NEURL1B: variants seen among roughly 807,000 people sequenced by gnomAD.
The protein encoded by NEURL1B is E3 ubiquitin-protein ligase NEURL1B.
Under a neutral mutation model 37.4 loss-of-function variants are expected in NEURL1B, and 13 were observed. The observed-to-expected ratio is 0.35, with a 90% CI of 0.23 to 0.55. The LOEUF is 0.55. NEURL1B is among the 20% of genes least tolerant of loss of function. NEURL1B has a pLI of 0.89. For missense variants in NEURL1B, 790 were observed against 879.2 expected (o/e 0.90, Z 1.28); for synonymous variants, 432 against 426.6 (o/e 1.01, Z -0.16).
At position 172,686,962 on chromosome 5, in the gene NEURL1B, A is replaced by G. The variant is rs1253943656; in HGVS notation, c.*37A>G. The G allele has an allele frequency of 5.2e-6, 8 of 1,524,108 alleles. No homozygotes were observed. In the South Asian group the frequency reaches 9.7e-5, roughly 18 times the overall value. 94.4% of individuals were successfully genotyped at this position (1,524,108 alleles called of 1,614,324 possible). ...CACGGGCCTTGGCCGGTGCAAGGTC[A>G]CCTTTCTGAAGGCCCCCTGGGCTGG... On this transcript the variant is annotated 3_prime_UTR_variant, in exon 5 of 5. Transcript: ENST00000369800. The surrounding 1 kb of genome is among the most constrained non-coding windows in gnomAD (Gnocchi z 7.9).
chr5:172,684,032 C>A lies in NEURL1B; in HGVS notation c.1191C>A (p.Gly397=). Residue 397 remains glycine (G), a synonymous_variant, in exon 3 of 5, where the codon GGC becomes GGA. Transcript: ENST00000369800. ...TLRPGGDVLL[G]INGRPRGRLL... is the part of the protein sequence containing the mutation. ...GGCCCGGCGGCGACGTGCTCCTGGG[C>A]ATCAACGGGCGTCCGCGCGGCCGCC... The A allele has an allele frequency of 1.2e-5, 16 of 1,338,270 alleles. No homozygotes were observed. Among genetic ancestry groups the A allele is most frequent in the Middle Eastern group, 2.8e-4 (1 of 3,594 alleles). The allele number at this position is 1,338,270 out of a possible 1,614,324, so 82.9% of individuals were successfully genotyped here.
intron 2 of NEURL1B, among the ~76,000 whole-genome samples, chr5:172,679,254 A>G (rs1758299673): frequency 1.3e-5 from 2 of 152,358 alleles, no homozygotes; most frequent in Middle Eastern, 3.4e-3. Context: ...TGTGACCTTC[A>G]GTAACTCACT....
rs1758509868 is a variant in NEURL1B, at chr5:172,686,802, C to G, written c.1545C>G (p.Ile515Met). The G allele has an allele frequency of 1.9e-6, 3 of 1,551,968 alleles. No homozygotes were observed. The highest frequency in any genetic ancestry group is 2.0e-5 in the Admixed American group (1 of 51,048). The change falls in exon 5 of 5, where the codon ATC (isoleucine) becomes ATG (methionine). Residue 515 changes from isoleucine to methionine, a missense_variant. By Grantham distance (10) the Ile-to-Met change is conservative. Coordinates refer to ENST00000369800, the MANE Select transcript of NEURL1B (RefSeq NM_001142651.3). This position sits in a 1 kb window ranked among gnomAD's most constrained non-coding sequence, Gnocchi z 7.9. ...TCGATGGCGAGGTGGACACGGTCAT[C>G]TACACGTGTGGACACATGTGCCTGT... ...VCFDGEVDTV[I>M]YTCGHMCLCH...
Position 172,641,310 on chromosome 5 carries a change from C to A in NEURL1B, c.-97C>A. 1 of 1,115,536 alleles carries A rather than the reference C, an allele frequency of 9.0e-7. No homozygotes were observed. Among genetic ancestry groups the A allele is most frequent in the Non-Finnish European group, 1.1e-6 (1 of 883,302 alleles). The allele number at this position is 1,115,536 out of a possible 1,614,324, so 69.1% of individuals were successfully genotyped here. A position where few individuals can be genotyped will look rare whatever the true frequency, so the allele number is the denominator to read the frequency against. On this transcript the variant is annotated 5_prime_UTR_variant, in exon 1 of 5. Coordinates refer to ENST00000369800, the MANE Select transcript of NEURL1B (RefSeq NM_001142651.3). The surrounding 1 kb of genome is among the most constrained non-coding windows in gnomAD (Gnocchi z 6.4). ...GGCTCGCCCGTGCAGCTGCGATGCCCCGGAGCGTCGACCCCGGTCCTGGTC... is the reference window on the plus strand; with the variant it reads ...GGCTCGCCCGTGCAGCTGCGATGCCACGGAGCGTCGACCCCGGTCCTGGTC...
At position 172,686,257 on chromosome 5, in the gene NEURL1B, A is replaced by G; in HGVS notation, c.1384A>G (p.Ser462Gly). The change falls in exon 4 of 5, where the codon AGT becomes GGT. Residue 462 changes from serine (S) to glycine (G), a missense_variant. Ser to Gly is a moderately conservative substitution (Grantham distance 56). Around this residue, in one of 3 missense-constraint regions of NEURL1B, gnomAD observed 115 missense variants for 162.6 expected, o/e 0.71. Coordinates refer to ENST00000369800, the MANE Select transcript of NEURL1B (RefSeq NM_001142651.3). This position sits in a 1 kb window ranked among gnomAD's most constrained non-coding sequence, Gnocchi z 7.9. ...QDDSDSDMTF[S>G]VNQSSSASES... is the part of the protein sequence containing the mutation. ...CGATAGTGATTCAGATATGACCTTC[A>G]GTGTCAACCAGTCCTCCTCGGCATC... is the stretch of plus-strand genomic sequence containing the variant. 1 of 1,551,698 alleles carries G rather than the reference A, an allele frequency of 6.4e-7. No homozygotes were observed. The highest frequency in any genetic ancestry group is 8.7e-7 in the Non-Finnish European group (1 of 1,146,998).
At chr5:172,648,370 C>G (rs1183252221) in intron 1 of NEURL1B, among the ~76,000 whole-genome samples, 1 of 152,204 alleles carries the variant, frequency 6.6e-6, no homozygotes, top group African/African-American at 2.4e-5. Flanking sequence ...GAGACAGACA[C>G]AAAAGAATAA....
rs1390653640 is a variant in NEURL1B at position 172,690,344 on chromosome 5, T to C, written c.*3419T>C. 1 of 152,230 alleles carries C rather than the reference T, an allele frequency of 6.6e-6. No homozygotes were observed. The highest frequency in any genetic ancestry group is 1.5e-5 in the Non-Finnish European group (1 of 68,052). 9.4% of individuals were successfully genotyped at this position (152,230 alleles called of 1,614,324 possible). A position where few individuals can be genotyped will look rare whatever the true frequency, so the allele number is the denominator to read the frequency against. ...CGATGCCACTAATCAGCATGGACTGTGTTCAGGACACAGGGTGAACTTTTC... is the reference window on the plus strand; with the variant it reads ...CGATGCCACTAATCAGCATGGACTGCGTTCAGGACACAGGGTGAACTTTTC... On this transcript the variant is annotated 3_prime_UTR_variant, in exon 5 of 5. Transcript: ENST00000369800.
Position 172,641,544 on chromosome 5 carries a change from T to G in NEURL1B, c.31+107T>G. ...CCCCACGGCCCTTGGAGCCCTCGGCTCGCAGCGGGCTGGAGTCTCCGGTAC... is the reference window on the plus strand; with the variant it reads ...CCCCACGGCCCTTGGAGCCCTCGGCGCGCAGCGGGCTGGAGTCTCCGGTAC... On this transcript the variant is annotated intron_variant, in intron 1 of 4. Transcript: ENST00000369800. This position sits in a 1 kb window ranked among gnomAD's most constrained non-coding sequence, Gnocchi z 6.4. 1.0e-6 allele frequency: 1 copy of G among 1,002,234 alleles called. No individual in the cohort carries two copies. Among genetic ancestry groups the G allele is most frequent in the Non-Finnish European group, 1.3e-6 (1 of 776,000 alleles). 62.1% of individuals were successfully genotyped at this position (1,002,234 alleles called of 1,614,324 possible).
chr5:172,679,987 T>C (rs1758317555), intron 2 of NEURL1B, among the ~76,000 whole-genome samples: 1 of 152,202 alleles, frequency 6.6e-6, no homozygotes, highest in Admixed American at 6.5e-5. Flanking sequence ...CCCAGTTTTC[T>C]GTAAGATGGC....
chr5:172,678,583 CAGTA>C (rs1437133325), intron 2 of NEURL1B, among the ~76,000 whole-genome samples: 2 of 151,128 alleles, frequency 1.3e-5, no homozygotes, highest in Non-Finnish European at 3.0e-5. Flanking sequence ...TGGCCATTGG[CAGTA>C]AGTGACACCA....
In NEURL1B at chr5:172,659,869, C is replaced by T. The variant is rs925016354; in HGVS notation, c.32-9916C>T. Among the ~76,000 whole-genome samples the T allele has an allele frequency of 5.3e-5, 8 of 152,222 alleles. No homozygotes were observed. The East Asian group carries it at 1.5e-3, about 29-fold the overall frequency. On this transcript the variant is annotated intron_variant, in intron 1 of 4. Transcript: ENST00000369800. ...ACTTCCCCATCCTTTGTCATCCTCCCAGCCCTGCTTCCTCAGTCTGCAAAG... is the reference window on the plus strand; with the variant it reads ...ACTTCCCCATCCTTTGTCATCCTCCTAGCCCTGCTTCCTCAGTCTGCAAAG...
intron 1 of NEURL1B, among the ~76,000 whole-genome samples, chr5:172,653,500 C>G (rs1757707058): frequency 6.6e-6 from 1 of 152,066 alleles, no homozygotes; most frequent in African/African-American, 2.4e-5. Flanking sequence ...TGTTAAAGAG[C>G]AGGTTAGTGC....
rs55663413 is a variant in NEURL1B at position 172,667,275 on chromosome 5, T to TAAAAAAAAAAAAAAA, written c.32-2503_32-2489dup. Among the ~76,000 whole-genome samples, 71 of 72,270 alleles carry TAAAAAAAAAAAAAAA rather than the reference T, an allele frequency of 9.8e-4. 2 individuals are homozygous for TAAAAAAAAAAAAAAA. The highest frequency in any genetic ancestry group is 3.1e-3 in the African/African-American group (38 of 12,404). The allele number at this position is 72,270 out of a possible 152,430, so 47.4% of individuals were successfully genotyped here. On this transcript the variant is annotated intron_variant, in intron 1 of 4. Coordinates refer to ENST00000369800, the MANE Select transcript of NEURL1B (RefSeq NM_001142651.3). ...CAACATGGTGAAACCCTGTCTCTAC[T>TAAAAAAAAAAAAAAA]AAAAAAAAAAAAAAAAAAAAATTAG...
chr5:172,654,580 T>TC, intron 1 of NEURL1B, among the ~76,000 whole-genome samples: 1 of 151,944 alleles, frequency 6.6e-6, no homozygotes, highest in East Asian at 1.9e-4. Context: ...TATTTTTTTT[T>TC]TTTTTTTTTT....
chr5:172,641,787 A>C lies in NEURL1B; in HGVS notation c.31+350A>C, dbSNP rs1444408741. 6.6e-6 allele frequency among the ~76,000 whole-genome samples: 1 copy of C among 152,158 alleles called. No individual in the cohort carries two copies. The highest frequency in any genetic ancestry group is 6.5e-5 in the Admixed American group (1 of 15,288). ...ACTCAAGGCGACCTGGGTGGGGGTG[A>C]CTGGAGCCGGGCTCGCCAGGGCTTC... On this transcript the variant is annotated intron_variant, in intron 1 of 4. Coordinates refer to ENST00000369800, the MANE Select transcript of NEURL1B (RefSeq NM_001142651.3). The surrounding 1 kb of genome is among the most constrained non-coding windows in gnomAD (Gnocchi z 6.4).
chr5:172,658,894 C>T (rs1757842354), intron 1 of NEURL1B, among the ~76,000 whole-genome samples: 1 of 152,194 alleles, frequency 6.6e-6, no homozygotes, highest in African/African-American at 2.4e-5. Context: ...AGCCCTGGGG[C>T]TCCGTCCCCC....
rs1389394146 is a variant in NEURL1B, at chr5:172,641,682, C to T, written c.31+245C>T. On this transcript the variant is annotated intron_variant, in intron 1 of 4. Transcript: ENST00000369800. This position sits in a 1 kb window ranked among gnomAD's most constrained non-coding sequence, Gnocchi z 6.4. ...CCAGTCCTCATTCTCCCGGCTTTGG[C>T]CAGATGCGCAAAAAGGGCCGCTGGG... Among the ~76,000 whole-genome samples the T allele has an allele frequency of 6.6e-6, 1 of 152,080 alleles. No individual in the cohort carries two copies. Among genetic ancestry groups the T allele is most frequent in the African/African-American group, 2.4e-5 (1 of 41,424 alleles).
rs1368285370 is a variant in NEURL1B, at chr5:172,690,343, G to A, written c.*3418G>A. 6.6e-6 allele frequency: 1 copy of A among 152,246 alleles called. No individual in the cohort carries two copies. The highest frequency in any genetic ancestry group is 1.9e-4 in the East Asian group (1 of 5,198). The allele number at this position is 152,246 out of a possible 1,614,324, so 9.4% of individuals were successfully genotyped here. A position where few individuals can be genotyped will look rare whatever the true frequency, so the allele number is the denominator to read the frequency against. On this transcript the variant is annotated 3_prime_UTR_variant, in exon 5 of 5. Coordinates refer to ENST00000369800, the MANE Select transcript of NEURL1B (RefSeq NM_001142651.3). ...TCGATGCCACTAATCAGCATGGACT[G>A]TGTTCAGGACACAGGGTGAACTTTT... is the stretch of plus-strand genomic sequence containing the variant.
chr5:172,669,206 T>C lies in NEURL1B; in HGVS notation c.32-579T>C, dbSNP rs150059071. Among the ~76,000 whole-genome samples, 21 of 152,260 alleles carry C rather than the reference T, an allele frequency of 1.4e-4. No homozygotes were observed. The East Asian group carries it at 3.7e-3, about 27-fold the overall frequency. On this transcript the variant is annotated intron_variant, in intron 1 of 4. Transcript: ENST00000369800. ...AAAGACAAGCTAGAGAAGTGACAAG[T>C]CTGCCCCATACCTCCCACCTAGGAA... is the stretch of plus-strand genomic sequence containing the variant.
Sources: gnomAD v4.1 joint callset for allele counts (sites outside exome capture counted in the v4.1 genomes callset) on GRCh38, gnomAD v4.1.1 for gene constraint, gnomAD v4.1.1 regional missense constraint, Gnocchi (gnomAD v3.1) non-coding constraint, MANE v1.5 for transcripts, NCBI Gene and HGNC (gene_info 2026-07-23, HGNC 2026-07-21) for gene names.